The following ADAMTSL1 variants were observed in gnomAD, a reference collection of about 807,000 sequenced individuals.
ADAMTSL1 encodes the protein ADAMTS like 1, also known as ADAMTS-like protein 1.
ADAMTSL1 carries 126 observed loss-of-function variants against 201.8 expected under a neutral mutation model. The ratio of observed to expected loss-of-function variants is 0.62; its 90% CI spans 0.54 to 0.72. ADAMTSL1 has a LOEUF of 0.72. Ranked by LOEUF, ADAMTSL1 falls within the 30% of genes least tolerant of loss-of-function variation. The pLI, the probability that ADAMTSL1 is intolerant of heterozygous loss-of-function variation, is 0.00. For synonymous variants in ADAMTSL1, 1,121 were observed against 903.4 expected (o/e 1.24, Z -4.32); for missense variants, 2,679 against 2,277.8 (o/e 1.18, Z -3.59).
chr9:17,974,170 C>T (rs561779968), intron 1 of ADAMTSL1, among the ~76,000 whole-genome samples: 77 of 152,136 alleles, frequency 5.1e-4, no homozygotes, highest in South Asian at 1.9e-3. Flanking sequence ...GAAGCATTCA[C>T]TTTGAAAATG....
At chr9:18,652,834 C>A (rs909024394) in intron 7 of ADAMTSL1, among the ~76,000 whole-genome samples, 3 of 152,164 alleles carry the variant, frequency 2.0e-5, no homozygotes, top group Non-Finnish European at 4.4e-5. Flanking sequence ...GAGGTTTGGC[C>A]AATGTGTAAT....
At chr9:18,257,606 T>C (rs34509703) in intron 2 of ADAMTSL1, among the ~76,000 whole-genome samples, 16,126 of 152,194 alleles carry the variant, frequency 0.11, 882 homozygotes, top group Middle Eastern at 0.15. Context: ...ACAGCCCCTA[T>C]GAAAAACAGT....
At chr9:18,119,664 T>C (rs1825416665) in intron 1 of ADAMTSL1, among the ~76,000 whole-genome samples, 1 of 152,078 alleles carries the variant, frequency 6.6e-6, no homozygotes, top group African/African-American at 2.4e-5. Flanking sequence ...TTTACTACTA[T>C]AAATCATTAT....
chr9:18,207,187 A>G (rs1334513306), intron 2 of ADAMTSL1, among the ~76,000 whole-genome samples: 1 of 152,176 alleles, frequency 6.6e-6, no homozygotes. Context: ...AGAAAAAAGA[A>G]AGTGGAGTAA....
rs149977087 is a variant in ADAMTSL1, at chr9:18,605,185, A to T, written c.475-17058A>T. 2.5e-3 allele frequency among the ~76,000 whole-genome samples: 377 copies of T among 152,308 alleles called. 2 individuals carry two copies. Among genetic ancestry groups the T allele is most frequent in the African/African-American group, 8.5e-3 (354 of 41,582 alleles). ...TGAGATGCCTCTCTGCAGGAAAAAA[A>T]TAAAAGTGTAACTGTGCCTCTTTGC... On this transcript the variant is annotated intron_variant, in intron 4 of 28. Coordinates refer to ENST00000380548, the MANE Select transcript of ADAMTSL1 (RefSeq NM_001040272.6).
At chr9:18,851,286 G>A (rs796205645) in intron 23 of ADAMTSL1, among the ~76,000 whole-genome samples, 26 of 152,222 alleles carry the variant, frequency 1.7e-4, no homozygotes, top group African/African-American at 5.8e-4. Flanking sequence ...AAAGCAGTAT[G>A]AGCAGGTGAG....
At chr9:18,484,486 T>A (rs1053277601) in intron 1 of ADAMTSL1, among the ~76,000 whole-genome samples, 1 of 152,230 alleles carries the variant, frequency 6.6e-6, no homozygotes, top group African/African-American at 2.4e-5. Context: ...ATCCTCTTTT[T>A]TAGGAATACT....
At chr9:18,675,960 C>T in intron 10 of ADAMTSL1, 53 bp downstream of exon 10, 1 of 1,445,394 alleles carries the variant, frequency 6.9e-7, no homozygotes, top group Non-Finnish European at 9.7e-7. Flanking sequence ...TCTTCTGCTG[C>T]TTATCTATAT....
chr9:18,094,798 C>T, intron 1 of ADAMTSL1, among the ~76,000 whole-genome samples: 1 of 150,332 alleles, frequency 6.7e-6, no homozygotes, highest in Non-Finnish European at 1.5e-5. Context: ...AATCTCCTGA[C>T]CTCCTGATCT....
At chr9:18,048,581 A>G (rs1250561898) in intron 1 of ADAMTSL1, among the ~76,000 whole-genome samples, 1 of 152,182 alleles carries the variant, frequency 6.6e-6, no homozygotes, top group Non-Finnish European at 1.5e-5. Context: ...TGGGTGTGAG[A>G]TATATGGGGA....
At chr9:18,497,374 A>C (rs1294625197) in intron 1 of ADAMTSL1, among the ~76,000 whole-genome samples, 1 of 151,980 alleles carries the variant, frequency 6.6e-6, no homozygotes, top group African/African-American at 2.4e-5. Context: ...TCAGGCTTCT[A>C]CTCCTAATTG....
At chr9:18,273,160 A>G (rs1054834636) in intron 2 of ADAMTSL1, among the ~76,000 whole-genome samples, 36 of 152,038 alleles carry the variant, frequency 2.4e-4, no homozygotes, top group African/African-American at 8.4e-4. Context: ...GCTCACTGCA[A>G]CCTCTCCCTC....
At chr9:18,274,196 C>T (rs893707841) in intron 2 of ADAMTSL1, among the ~76,000 whole-genome samples, 4 of 152,212 alleles carry the variant, frequency 2.6e-5, no homozygotes, top group African/African-American at 9.6e-5. Context: ...GGGAAGAAAG[C>T]TCGAATCTTT....
chr9:18,803,659 A>C (rs1250784664), intron 20 of ADAMTSL1, among the ~76,000 whole-genome samples: 1 of 152,218 alleles, frequency 6.6e-6, no homozygotes, highest in Non-Finnish European at 1.5e-5. Context: ...CACCAAACCA[A>C]AAAATGTTTA....
chr9:18,163,911 T>C (rs1397433616), exon 2 of ADAMTSL1: 1 of 152,034 alleles, frequency 6.6e-6, no homozygotes. Context: ...GAATTTACAC[T>C]GATTCGAAGA....
rs1163718858 is a variant in ADAMTSL1, at chr9:18,199,025, C to T, written c.207+35044C>T. ...ATCGCAAGAACAAAAAACCAAACAC[C>T]GCATATTCTCACTCATAGGTGGGAA... On this transcript the variant is annotated intron_variant, in intron 2 of 29. Transcript: ENST00000680146. Among the ~76,000 whole-genome samples, 11 of 145,662 alleles carry T rather than the reference C, an allele frequency of 7.6e-5. No individual in the cohort carries two copies. In the South Asian group the frequency reaches 9.1e-4, roughly 12 times the overall value.
At chr9:18,173,026 A>C (rs1447545198) in intron 2 of ADAMTSL1, among the ~76,000 whole-genome samples, 1 of 152,126 alleles carries the variant, frequency 6.6e-6, no homozygotes, top group Non-Finnish European at 1.5e-5. Flanking sequence ...TGCATAGTAC[A>C]CTTTAGCCCT....
At position 18,777,471 on chromosome 9, in the gene ADAMTSL1, T is replaced by C. The variant is rs781267799; in HGVS notation, c.3242T>C (p.Ile1081Thr). The C allele has an allele frequency of 6.3e-7, 1 of 1,594,404 alleles. No homozygotes were observed. Among genetic ancestry groups the C allele is most frequent in the Admixed American group, 1.7e-5 (1 of 57,256 alleles). Reference protein sequence around the residue: ...MVTEQRRLDDILGNLSQQPEE... With the variant: ...MVTEQRRLDDTLGNLSQQPEE... Reference sequence around the variant, plus strand: ...ACCGAGCAGCGGCGCCTGGACGACATCCTGGGGAACCTCTCCCAGCAGCCC... The same window carrying C: ...ACCGAGCAGCGGCGCCTGGACGACACCCTGGGGAACCTCTCCCAGCAGCCC... Residue 1081 changes from isoleucine to threonine, a missense_variant, in exon 19 of 29, where the codon ATC becomes ACC. By Grantham distance (89) the Ile-to-Thr change is moderately conservative. Coordinates refer to ENST00000380548, the MANE Select transcript of ADAMTSL1 (RefSeq NM_001040272.6).
intron 2 of ADAMTSL1, among the ~76,000 whole-genome samples, chr9:18,530,442 C>A (rs955369561): frequency 6.6e-6 from 1 of 152,082 alleles, no homozygotes; most frequent in African/African-American, 2.4e-5. Flanking sequence ...GAATCTCCTC[C>A]GTTTTAATAC....
Sources: allele counts gnomAD v4.1 joint callset (sites outside exome capture counted in the v4.1 genomes callset), GRCh38; gene constraint gnomAD v4.1.1; transcripts MANE v1.5; gene names NCBI Gene and HGNC (gene_info 2026-07-23, HGNC 2026-07-21).